CDH19: variants seen among roughly 807,000 people sequenced by gnomAD.
The protein encoded by CDH19 is cadherin-19.
In CDH19, 67 loss-of-function variants were observed where a neutral mutation model predicts 64.2. The ratio of observed to expected loss-of-function variants is 1.04; its 90% confidence interval spans 0.86 to 1.28. The LOEUF (loss-of-function observed/expected upper bound fraction) is 1.28. CDH19 is among the 50% of genes most tolerant of loss of function. The pLI is 0.00. For synonymous variants in CDH19, 346 were observed against 319.3 expected, an observed-to-expected ratio of 1.08 and a Z score of -0.89; for missense variants, 1,030 against 929.0, an observed-to-expected ratio of 1.11 and a Z score of -1.41.
At chr18:66,532,139 G>A (rs1038024906) in intron 8 of CDH19, among the ~76,000 whole-genome samples, 20 of 151,906 alleles carry the variant, frequency 1.3e-4, no homozygotes, top group African/African-American at 4.4e-4. Flanking sequence ...GCTAATTTTC[G>A]TATTTTTAGT....
chr18:66,542,093 G>C (rs1986909443), intron 7 of CDH19, among the ~76,000 whole-genome samples: 1 of 151,970 alleles, frequency 6.6e-6, no homozygotes, highest in African/African-American at 2.4e-5. Flanking sequence ...AATCATCAAA[G>C]CATTTTTTAA....
chr18:66,551,393 G>T (rs1987339315), intron 4 of CDH19, 135 bp from the exon 5 acceptor site: 1 of 594,168 alleles, frequency 1.7e-6, no homozygotes, highest in South Asian at 2.2e-5. Context: ...CTTCACTAGA[G>T]AAAAATAATA....
rs1988127542 is a variant in CDH19, at chr18:66,572,167, A to G, written c.38T>C (p.Ile13Thr). 1.1e-5 allele frequency: 17 copies of G among 1,611,228 alleles called. No homozygotes were observed. The East Asian group carries it at 3.3e-4, about 32-fold the overall frequency. ...CYLLLRFMLG[I>T]PLLWPCLGAT... ...TCCAAGACAAGGCCATAGGAGAGGA[A>G]TTCCCAACATAAAACGCAGCAGTAA... is the stretch of plus-strand genomic sequence containing the variant. The change falls in exon 2 of 12, where the codon ATT becomes ACT. Residue 13 changes from isoleucine (I) to threonine (T), a missense_variant. Physicochemically the swap from Ile to Thr is moderately conservative, Grantham distance 89. Transcript: ENST00000262150.
chr18:66,568,784 T>C (rs1400757856), intron 2 of CDH19, 74 bp from the exon 3 acceptor site: 19 of 1,231,166 alleles, frequency 1.5e-5, no homozygotes, highest in Admixed American at 2.5e-5. Context: ...ATTTTCTTTT[T>C]ATGTATGTTA....
At chr18:66,597,554 T>C (rs763916643) in intron 1 of CDH19, among the ~76,000 whole-genome samples, 2 of 152,026 alleles carry the variant, frequency 1.3e-5, no homozygotes, top group Admixed American at 6.6e-5. Flanking sequence ...AAAGATTCCA[T>C]AACAGACTCC....
intron 1 of CDH19, among the ~76,000 whole-genome samples, chr18:66,593,036 T>C (rs1408347996): frequency 6.6e-6 from 1 of 151,826 alleles, no homozygotes; most frequent in Non-Finnish European, 1.5e-5. Context: ...ATGAAGGAGT[T>C]CCATTTTCTC....
chr18:66,543,895 G>A lies in CDH19; in HGVS notation c.1214+76C>T, dbSNP rs73539718. 4,744 of 1,098,940 alleles carry A rather than the reference G, an allele frequency of 4.3e-3. 106 individuals carry two copies. In the African/African-American group the frequency reaches 0.059, roughly 14 times the overall value. The allele number at this position is 1,098,940 out of a possible 1,614,324, so 68.1% of individuals were successfully genotyped here. Reference sequence around the variant, plus strand: ...GAGACTCCCTCTCAATTAAAAAAAAGATTGCATGCAATTTTATTTTTAATC... The same window carrying A: ...GAGACTCCCTCTCAATTAAAAAAAAAATTGCATGCAATTTTATTTTTAATC... On this transcript the variant is annotated intron_variant, in intron 7 of 11. Coordinates refer to ENST00000262150, the MANE Select transcript of CDH19 (RefSeq NM_021153.4).
chr18:66,590,501 C>A (rs1267985107), intron 1 of CDH19, among the ~76,000 whole-genome samples: 1 of 147,740 alleles, frequency 6.8e-6, no homozygotes, highest in Non-Finnish European at 1.5e-5. Context: ...TTTGCAGAAG[C>A]CATTTTCTGG....
At chr18:66,597,604 C>T (rs796851157) in intron 1 of CDH19, among the ~76,000 whole-genome samples, 20 of 152,118 alleles carry the variant, frequency 1.3e-4, no homozygotes, top group African/African-American at 4.8e-4. Flanking sequence ...ACATGTGGGA[C>T]CTAATCAAAC....
chr18:66,529,109 T>C (rs1986334765), intron 9 of CDH19, among the ~76,000 whole-genome samples: 1 of 151,952 alleles, frequency 6.6e-6, no homozygotes, highest in African/African-American at 2.4e-5. Flanking sequence ...GAGCAGCAGA[T>C]AAGAAAGTGT....
At position 66,568,706 on chromosome 18, in the gene CDH19, C is replaced by A. The variant is rs374540595; in HGVS notation, c.200G>T (p.Arg67Ile). The A allele has an allele frequency of 8.2e-5, 130 of 1,593,840 alleles. No individual in the cohort carries two copies. The highest frequency in any genetic ancestry group is 1.0e-4 in the Non-Finnish European group (123 of 1,172,126). ...NTTSHHIGQL[R>I]SDLDNGNNSF... is the part of the protein sequence containing the mutation. ...ATTGTTTCCATTGTCTAAATCAGATCTTAGCTGCAAATGGAAAGAGGGATC... is the reference window on the plus strand; with the variant it reads ...ATTGTTTCCATTGTCTAAATCAGATATTAGCTGCAAATGGAAAGAGGGATC... The change falls in exon 3 of 12, where the codon AGA (arginine) becomes ATA (isoleucine). Residue 67 changes from arginine to isoleucine, a missense_variant. Coordinates refer to ENST00000262150, the MANE Select transcript of CDH19 (RefSeq NM_021153.4).
intron 9 of CDH19, among the ~76,000 whole-genome samples, chr18:66,517,445 A>G (rs1335093895): frequency 2.6e-5 from 4 of 152,070 alleles, no homozygotes; most frequent in Non-Finnish European, 5.9e-5. Context: ...GCAAAGGCAA[A>G]TTACCCTGAT....
At chr18:66,576,771 A>G (rs1186674395) in intron 1 of CDH19, among the ~76,000 whole-genome samples, 1 of 151,692 alleles carries the variant, frequency 6.6e-6, no homozygotes, top group African/African-American at 2.4e-5. Flanking sequence ...TTAAAAAGAT[A>G]AAAATATGTT....
intron 9 of CDH19, among the ~76,000 whole-genome samples, chr18:66,515,207 C>CTTAT (rs1252534051): frequency 6.6e-6 from 1 of 151,544 alleles, no homozygotes; most frequent in Non-Finnish European, 1.5e-5. Flanking sequence ...ATCTGAGTTG[C>CTTAT]TTATTTAGTT....
intron 9 of CDH19, among the ~76,000 whole-genome samples, chr18:66,524,649 C>T (rs1413793175): frequency 6.7e-6 from 1 of 149,668 alleles, no homozygotes; most frequent in Non-Finnish European, 1.5e-5. Flanking sequence ...ATAAAGAGTA[C>T]TCTAGGGAAG....
chr18:66,519,504 A>C (rs1254307022), intron 9 of CDH19, among the ~76,000 whole-genome samples: 2 of 152,164 alleles, frequency 1.3e-5, no homozygotes, highest in African/African-American at 4.8e-5. Context: ...TGCACTGTGT[A>C]ATCTTTTTGT....
At chr18:66,601,238 A>G (rs752179343) in intron 1 of CDH19, among the ~76,000 whole-genome samples, 15 of 151,842 alleles carry the variant, frequency 9.9e-5, no homozygotes, top group Admixed American at 8.6e-4. Flanking sequence ...CTCTGACACA[A>G]TTTAACTATA....
chr18:66,515,807 A>G (rs1985712246), intron 9 of CDH19, among the ~76,000 whole-genome samples: 1 of 151,874 alleles, frequency 6.6e-6, no homozygotes. Flanking sequence ...ATTAAACTAT[A>G]AAATATCTCA....
rs187267516 is a variant in CDH19 at position 66,532,825 on chromosome 18, A to G, written c.1336+2161T>C. 3.9e-5 allele frequency: 16 copies of G among 414,708 alleles called. No individual in the cohort carries two copies. In the East Asian group the frequency reaches 1.1e-3, roughly 28 times the overall value. 25.7% of individuals were successfully genotyped at this position (414,708 alleles called of 1,614,324 possible). ...GTTAAGTTGTCCTTTGGATAAAACCACTTAGCAAATACAGGCGGTCACTCC... is the reference window on the plus strand; with the variant it reads ...GTTAAGTTGTCCTTTGGATAAAACCGCTTAGCAAATACAGGCGGTCACTCC... On this transcript the variant is annotated intron_variant, in intron 8 of 11. Transcript: ENST00000262150.
Sources: allele counts gnomAD v4.1 joint callset (sites outside exome capture counted in the v4.1 genomes callset), GRCh38; gene constraint gnomAD v4.1.1; transcripts MANE v1.5; gene names NCBI Gene and HGNC (gene_info 2026-07-23, HGNC 2026-07-21).